AOPEP: variants seen among roughly 807,000 people sequenced by gnomAD.
AOPEP encodes aminopeptidase O.
Under a neutral mutation model 98.1 loss-of-function variants are expected in AOPEP, and 77 were observed. That is an observed-to-expected ratio of 0.78 (90% CI 0.65 to 0.95). The LOEUF (loss-of-function observed/expected upper bound fraction) is 0.95. Among genes scored for constraint, AOPEP ranks in the 40% least tolerant of loss-of-function variants. The pLI, the probability that AOPEP is intolerant of heterozygous loss-of-function variation, is 0.00. For synonymous variants in AOPEP, 346 were observed against 365.3 expected (o/e 0.95, Z 0.60); for missense variants, 1,024 against 1,024.7 (o/e 1.00, Z 0.01).
intron 7 of AOPEP, among the ~76,000 whole-genome samples, chr9:94,952,399 A>G (rs755323093): frequency 6.6e-6 from 1 of 152,258 alleles, no homozygotes; most frequent in Non-Finnish European, 1.5e-5. Flanking sequence ...CCAGCATCTC[A>G]GAAACCTTCC....
downstream of AOPEP, among the ~76,000 whole-genome samples, chr9:95,088,464 C>A (rs376575823): frequency 7.2e-5 from 11 of 152,304 alleles, no homozygotes; most frequent in South Asian, 2.1e-3. Context: ...CTGCCTCGGC[C>A]TCCCAAAGTG....
chr9:95,005,765 G>GATTTAATATAT, intron 13 of AOPEP, 149 bp downstream of exon 13: 1 of 669,894 alleles, frequency 1.5e-6, no homozygotes, highest in Non-Finnish European at 2.7e-6. Context: ...AAATTCTACA[G>GATTTAATATAT]AAATATTGGT....
intron 2 of AOPEP, among the ~76,000 whole-genome samples, chr9:94,762,452 G>GA (rs796216866): frequency 0.011 from 1,126 of 103,048 alleles, 6 homozygotes; most frequent in African/African-American, 0.033. Flanking sequence ...GTCTCAAAAA[G>GA]AAAAAAAAAA....
At chr9:95,114,612 G>C in the AOPEP span, 1 of 1,605,928 alleles carries the variant, frequency 6.2e-7, no homozygotes, top group Non-Finnish European at 8.5e-7. Context: ...ATTTGGGAGT[G>C]GTCAGTGTTT....
chr9:94,802,252 T>C (rs1588289123), intron 5 of AOPEP, among the ~76,000 whole-genome samples: 1 of 152,188 alleles, frequency 6.6e-6, no homozygotes, highest in East Asian at 1.9e-4. Context: ...AAAAGAGTTG[T>C]TCATTAAATG....
intron 5 of AOPEP, among the ~76,000 whole-genome samples, chr9:94,819,379 G>GCCC (rs936552393): frequency 4.1e-4 from 62 of 152,310 alleles, no homozygotes; most frequent in African/African-American, 1.5e-3. Flanking sequence ...GACCAAGTGT[G>GCCC]TGGCCAGCAG....
the AOPEP span, chr9:95,111,656 A>C: frequency 6.2e-7 from 1 of 1,614,114 alleles, no homozygotes. Context: ...GAGGCAGAAC[A>C]CATGGCAGTT....
At chr9:94,753,545 AAAAT>A (rs1836308098) in intron 1 of AOPEP, among the ~76,000 whole-genome samples, 1 of 152,202 alleles carries the variant, frequency 6.6e-6, no homozygotes, top group African/African-American at 2.4e-5. Flanking sequence ...AAAAAGCAGA[AAAAT>A]AAAGCTAAGA....
At chr9:94,729,505 C>T (rs531611893) in intron 1 of AOPEP, among the ~76,000 whole-genome samples, 8 of 150,438 alleles carry the variant, frequency 5.3e-5, no homozygotes, top group Non-Finnish European at 1.2e-4. Flanking sequence ...CCCAGCAGGT[C>T]GAGGCTGCAG....
chr9:94,967,742 CT>C lies in AOPEP; in HGVS notation c.1873-9del, dbSNP rs1329638082. 1.2e-6 allele frequency: 2 copies of C among 1,609,952 alleles called. No individual in the cohort carries two copies. Among genetic ancestry groups the C allele is most frequent in the Non-Finnish European group, 1.7e-6 (2 of 1,176,274 alleles). On this transcript the variant is annotated splice_polypyrimidine_tract_variant and intron_variant, in intron 9 of 16. Coordinates refer to ENST00000375315, the MANE Select transcript of AOPEP (RefSeq NM_001193329.3). ...ATTGATGGACATCTTTAATGATTTGCTTTTTTTAATCCCAGGATTTCCTTCA... is the reference window on the plus strand; with the variant it reads ...ATTGATGGACATCTTTAATGATTTGCTTTTTTAATCCCAGGATTTCCTTCA...
intron 13 of AOPEP, among the ~76,000 whole-genome samples, chr9:95,050,093 C>T (rs2066211892): frequency 6.6e-6 from 1 of 152,210 alleles, no homozygotes; most frequent in Admixed American, 6.5e-5. Context: ...TTTCAGTCTA[C>T]TTGTTTCCTT....
At chr9:95,091,797 G>C (rs1243015619), downstream of AOPEP, among the ~76,000 whole-genome samples, 2 of 152,162 alleles carry the variant, frequency 1.3e-5, no homozygotes, top group Admixed American at 1.3e-4. Flanking sequence ...GCCGGCAGCC[G>C]AGCCTGGGGT....
At chr9:95,061,651 T>C (rs1355458784) in intron 14 of AOPEP, among the ~76,000 whole-genome samples, 1 of 152,232 alleles carries the variant, frequency 6.6e-6, no homozygotes, top group African/African-American at 2.4e-5. Flanking sequence ...GTGTTAGTGA[T>C]ATTTGGGATA....
intron 3 of AOPEP, among the ~76,000 whole-genome samples, chr9:94,790,606 C>G (rs183952313): frequency 1.9e-3 from 284 of 152,214 alleles, no homozygotes; most frequent in Non-Finnish European, 3.5e-3. Flanking sequence ...TTGTCTCTCT[C>G]TTTCAAGTAA....
intron 1 of AOPEP, among the ~76,000 whole-genome samples, chr9:94,751,097 G>A (rs1835656979): frequency 6.6e-6 from 1 of 152,036 alleles, no homozygotes; most frequent in Non-Finnish European, 1.5e-5. Context: ...TGGCATAAAT[G>A]GGTTAACTGC....
In AOPEP at chr9:94,760,418, C is replaced by T. The variant is rs922121046; in HGVS notation, c.635C>T (p.Ala212Val). The T allele has an allele frequency of 8.1e-6, 13 of 1,613,836 alleles. No homozygotes were observed. The highest frequency in any genetic ancestry group is 1.1e-5 in the Non-Finnish European group (13 of 1,179,916). Residue 212 changes from alanine (A) to valine (V), a missense_variant, in exon 2 of 17, where the codon GCT becomes GTT. Transcript: ENST00000375315. ...QLDYYARCSQ[A>V]PGCGELLFDT... ...GACTATTACGCTCGCTGCAGCCAGG[C>T]TCCTGGCTGTGGGGAACTCCTCTTT...
chr9:95,097,354 AC>A, the AOPEP span, among the ~76,000 whole-genome samples: 1 of 152,180 alleles, frequency 6.6e-6, no homozygotes, highest in Non-Finnish European at 1.5e-5. Context: ...TATCCAAGGT[AC>A]CCAATAACGT....
chr9:95,054,887 G>A (rs958030366), intron 13 of AOPEP, among the ~76,000 whole-genome samples: 10 of 152,032 alleles, frequency 6.6e-5, no homozygotes, highest in African/African-American at 1.9e-4. Flanking sequence ...TCTTTATTTT[G>A]AAGAAAATTT....
At position 94,972,642 on chromosome 9, in the gene AOPEP, C is replaced by G. The variant is rs145777811; in HGVS notation, c.1916+4841C>G. Among the ~76,000 whole-genome samples the G allele has an allele frequency of 6.6e-6, 1 of 152,202 alleles. No homozygotes were observed. The highest frequency in any genetic ancestry group is 1.5e-5 in the Non-Finnish European group (1 of 68,014). ...CCCAAGCACAAATGAATGTTTTGAT[C>G]AAGAAAATAAATCAGCTGGGCACCG... is the stretch of plus-strand genomic sequence containing the variant. On this transcript the variant is annotated intron_variant, in intron 10 of 16. Coordinates refer to ENST00000375315, the MANE Select transcript of AOPEP (RefSeq NM_001193329.3). The surrounding 1 kb of genome is among the most constrained non-coding windows in gnomAD (Gnocchi z 4.2).
Sources: gnomAD v4.1 joint callset for allele counts (sites outside exome capture counted in the v4.1 genomes callset) on GRCh38, gnomAD v4.1.1 for gene constraint, Gnocchi (gnomAD v3.1) non-coding constraint, MANE v1.5 for transcripts, NCBI Gene and HGNC (gene_info 2026-07-23, HGNC 2026-07-21) for gene names.